The following E2F2 variants were observed in gnomAD, a reference collection of about 807,000 sequenced individuals.
The protein encoded by E2F2 is transcription factor E2F2.
Under a neutral mutation model 42.2 loss-of-function variants are expected in E2F2, and 22 were observed. The ratio of observed to expected loss-of-function variants is 0.52; its 90% CI spans 0.37 to 0.74. The LOEUF (loss-of-function observed/expected upper bound fraction) is 0.74. E2F2 is among the 30% of genes least tolerant of loss of function. The pLI is 0.00. For synonymous variants in E2F2, 248 were observed against 251.6 expected (o/e 0.99, Z 0.13); for missense variants, 481 against 557.8 (o/e 0.86, Z 1.39).
chr1:23,528,065 C>G (rs1372450733), intron 1 of E2F2, among the ~76,000 whole-genome samples: 1 of 152,214 alleles, frequency 6.6e-6, no homozygotes, highest in Non-Finnish European at 1.5e-5. Flanking sequence ...TTGCAGTGAG[C>G]AGAGATGGCG....
At chr1:23,522,236 G>C (rs1382957844) in intron 2 of E2F2, among the ~76,000 whole-genome samples, 180 bp from the exon 3 acceptor site, 1 of 152,220 alleles carries the variant, frequency 6.6e-6, no homozygotes, top group East Asian at 1.9e-4. Context: ...ATACCTAAGA[G>C]GGAAGGTGAC....
At position 23,530,366 on chromosome 1, in the gene E2F2, A is replaced by C. The variant is rs1643317202; in HGVS notation, c.252+176T>G. The stretch of plus-strand genomic sequence containing the variant: ...TGAGATTATTTCATCCAAAGTCTGA[A>C]AATGAAGGGGTCTTCTACTCAGATA... On this transcript the variant is annotated intron_variant, in intron 1 of 6. Coordinates refer to ENST00000361729, the MANE Select transcript of E2F2 (RefSeq NM_004091.4). The surrounding 1 kb of genome is among the most constrained non-coding windows in gnomAD (Gnocchi z 4.4). Among the ~76,000 whole-genome samples the C allele has an allele frequency of 6.6e-6, 1 of 152,242 alleles. No homozygotes were observed. Among genetic ancestry groups the C allele is most frequent in the African/African-American group, 2.4e-5 (1 of 41,460 alleles).
At chr1:23,518,085 G>A (rs1029196496) in intron 5 of E2F2, among the ~76,000 whole-genome samples, 17 of 152,122 alleles carry the variant, frequency 1.1e-4, no homozygotes, top group Non-Finnish European at 2.1e-4. Context: ...GTGGGAGGAT[G>A]GCTTGAACCC....
At chr1:23,517,867 G>A (rs1397236740) in intron 5 of E2F2, among the ~76,000 whole-genome samples, 1 of 152,182 alleles carries the variant, frequency 6.6e-6, no homozygotes, top group Non-Finnish European at 1.5e-5. Context: ...GAGGGGAAGA[G>A]CATGTATGAG....
intron 1 of E2F2, among the ~76,000 whole-genome samples, chr1:23,527,945 G>A (rs1643277809): frequency 6.6e-6 from 1 of 152,154 alleles, no homozygotes; most frequent in South Asian, 2.1e-4. Flanking sequence ...GGAGTTCGAA[G>A]CTAGCCTGGC....
chr1:23,521,913 G>A lies in E2F2; in HGVS notation c.502C>T (p.Arg168Cys). ...AGCACGTTGGTGATGTCATAGATGCGCCGCTTCTGCACGTCCAGCACCTCA... is the reference window on the plus strand; with the variant it reads ...AGCACGTTGGTGATGTCATAGATGCACCGCTTCTGCACGTCCAGCACCTCA... ...AAEVLDVQKR[R>C]IYDITNVLEG... is the part of the protein sequence containing the mutation. The change falls in exon 3 of 7, where the codon CGC becomes TGC. Residue 168 changes from arginine (R) to cysteine (C), a missense_variant. Physicochemically the swap from Arg to Cys is radical, Grantham distance 180 (BLOSUM62 -3). Transcript: ENST00000361729. 5 of 1,614,144 alleles carry A rather than the reference G, an allele frequency of 3.1e-6. No homozygotes were observed. Among genetic ancestry groups the A allele is most frequent in the Non-Finnish European group, 4.2e-6 (5 of 1,180,020 alleles).
chr1:23,506,909 C>T lies in E2F2; in HGVS notation c.*2971G>A, dbSNP rs1476931621. 1.3e-5 allele frequency: 2 copies of T among 152,410 alleles called. No homozygotes were observed. The highest frequency in any genetic ancestry group is 4.8e-5 in the African/African-American group (2 of 41,438). The allele number at this position is 152,410 out of a possible 1,614,324, so 9.4% of individuals were successfully genotyped here. ...CTAAAGCCAGTTTTTCAAGCTTGACCACCTCCCTCTTCCTCCCTGAAGGCA... is the reference window on the plus strand; with the variant it reads ...CTAAAGCCAGTTTTTCAAGCTTGACTACCTCCCTCTTCCTCCCTGAAGGCA... On this transcript the variant is annotated 3_prime_UTR_variant, in exon 7 of 7. Coordinates refer to ENST00000361729, the MANE Select transcript of E2F2 (RefSeq NM_004091.4).
intron 1 of E2F2, among the ~76,000 whole-genome samples, chr1:23,526,662 T>C (rs1357033964): frequency 6.6e-6 from 1 of 152,116 alleles, no homozygotes; most frequent in East Asian, 1.9e-4. Context: ...AAATGGAGAC[T>C]TACAGAGAGT....
Position 23,524,104 on chromosome 1 carries a change from C to CA in E2F2, c.358+278dup, listed in dbSNP as rs371670414. ...ACAACAACAACAACAACAACAACAA[C>CA]AAAAAAAAACACAGAAGTAATGCAA... On this transcript the variant is annotated intron_variant, in intron 2 of 6. Transcript: ENST00000361729. Among the ~76,000 whole-genome samples, 17 of 133,208 alleles carry CA rather than the reference C, an allele frequency of 1.3e-4. 1 individual carries two copies. The highest frequency in any genetic ancestry group is 6.6e-4 in the East Asian group (3 of 4,540). The allele number at this position is 133,208 out of a possible 152,430, so 87.4% of individuals were successfully genotyped here.
At chr1:23,524,995 A>G (rs1388345898) in intron 1 of E2F2, among the ~76,000 whole-genome samples, 1 of 152,160 alleles carries the variant, frequency 6.6e-6, no homozygotes, top group Non-Finnish European at 1.5e-5. Context: ...GACCCAGGGG[A>G]CTTCCTGGCT....
In E2F2 at chr1:23,513,136, T is replaced by TA. The variant is rs397708198; in HGVS notation, c.1046-2989dup. Among the ~76,000 whole-genome samples the TA allele has an allele frequency of 9.9e-4, 149 of 151,178 alleles. 1 individual carries two copies. The highest frequency in any genetic ancestry group is 1.3e-3 in the South Asian group (6 of 4,776). On this transcript the variant is annotated intron_variant, in intron 6 of 6. Coordinates refer to ENST00000361729, the MANE Select transcript of E2F2 (RefSeq NM_004091.4). ...CACATAAGTTTTTTTTTTTTTTTTT[T>TA]AAATCACATTTATGCCATGTCATCT...
chr1:23,527,487 T>C (rs1643270777), intron 1 of E2F2, among the ~76,000 whole-genome samples: 1 of 152,172 alleles, frequency 6.6e-6, no homozygotes, highest in Non-Finnish European at 1.5e-5. Flanking sequence ...GTACAGCTCC[T>C]TCCTCAGGCA....
chr1:23,518,923 T>C, intron 5 of E2F2, 93 bp downstream of exon 5: 1 of 961,492 alleles, frequency 1.0e-6, no homozygotes, highest in Non-Finnish European at 1.6e-6. Context: ...AGCATGGGGC[T>C]AGGCAGTGCC....
chr1:23,521,443 A>C, intron 3 of E2F2: 1 of 579,962 alleles, frequency 1.7e-6, no homozygotes, highest in Non-Finnish European at 2.2e-6. Flanking sequence ...GAGTACTCCT[A>C]TCTCAGATCT....
rs768273132 is a variant in E2F2, at chr1:23,516,377, T to C, written c.1003A>G (p.Ser335Gly). ...CPSPDSAQPS[S>G]STDPSIMEPT... ...TCCATGATGCTAGGGTCGGTGCTGC[T>C]GCTGGGCTGGGCAGAGTCAGGGCTG... Residue 335 changes from serine (S) to glycine (G), a missense_variant, in exon 6 of 7, where the codon AGC (serine) becomes GGC (glycine). By Grantham distance (56) the Ser-to-Gly change is moderately conservative. Transcript: ENST00000361729. 8.2e-6 allele frequency: 13 copies of C among 1,586,952 alleles called. No homozygotes were observed. Among genetic ancestry groups the C allele is most frequent in the Non-Finnish European group, 1.1e-5 (13 of 1,168,666 alleles).
rs149841334 is a variant in E2F2 at position 23,530,653 on chromosome 1, C to T, written c.141G>A (p.Pro47=). The T allele has an allele frequency of 1.2e-6, 2 of 1,613,304 alleles. No individual in the cohort carries two copies. The highest frequency in any genetic ancestry group is 1.1e-5 in the South Asian group (1 of 91,050). ...LCPATATYYT[P]LYPQTAPPAA... Reference sequence around the variant, plus strand: ...CGGGAGGCGCCGTCTGCGGGTACAGCGGTGTGTAGTAGGTAGCAGTAGCTG... The same window carrying T: ...CGGGAGGCGCCGTCTGCGGGTACAGTGGTGTGTAGTAGGTAGCAGTAGCTG... Residue 47 remains proline (P), a synonymous_variant, in exon 1 of 7, where the codon CCG becomes CCA. Transcript: ENST00000361729. The surrounding 1 kb of genome is among the most constrained non-coding windows in gnomAD (Gnocchi z 4.4).
chr1:23,519,648 G>A (rs778402616), intron 4 of E2F2, among the ~76,000 whole-genome samples: 23 of 152,158 alleles, frequency 1.5e-4, no homozygotes, highest in Non-Finnish European at 2.6e-4. Context: ...AAAGATATTC[G>A]GCCGAACGCG....
intron 6 of E2F2, among the ~76,000 whole-genome samples, chr1:23,512,832 AGACAGAG>A: frequency 6.8e-6 from 1 of 146,530 alleles, no homozygotes; most frequent in Non-Finnish European, 1.5e-5. Flanking sequence ...TTTTTTTTTG[AGACAGAG>A]TCCCACTCTG....
At chr1:23,527,254 C>G (rs1249791934) in intron 1 of E2F2, among the ~76,000 whole-genome samples, 2 of 152,340 alleles carry the variant, frequency 1.3e-5, no homozygotes, top group East Asian at 1.9e-4. Context: ...GTGCCCCCAC[C>G]AGGGAGCTGC....
Sources: allele counts gnomAD v4.1 joint callset (sites outside exome capture counted in the v4.1 genomes callset), GRCh38; gene constraint gnomAD v4.1.1; non-coding constraint Gnocchi (gnomAD v3.1); transcripts MANE v1.5; gene names NCBI Gene and HGNC (gene_info 2026-07-23, HGNC 2026-07-21).